Variants in ZSCAN21 observed in about 807,000 individuals in gnomAD.
The protein encoded by ZSCAN21 is zinc finger and SCAN domain containing 21, also known as zinc finger and SCAN domain-containing protein 21.
In ZSCAN21, 26 loss-of-function variants were observed where a neutral mutation model predicts 35.6. The ratio of observed to expected loss-of-function variants is 0.73; its 90% confidence interval spans 0.54 to 1.01. ZSCAN21 has a LOEUF of 1.01. Among genes scored for constraint, ZSCAN21 ranks in the 50% least tolerant of loss-of-function variants. ZSCAN21 has a pLI of 0.00. For missense variants in ZSCAN21, 593 were observed against 587.1 expected (o/e 1.01, Z -0.10); for synonymous variants, 219 against 219.3 (o/e 1.00, Z 0.01).
intron 3 of ZSCAN21, among the ~76,000 whole-genome samples, 162 bp downstream of exon 3, chr7:100,058,052 G>C (rs1792145909): frequency 6.6e-6 from 1 of 152,158 alleles, no homozygotes; most frequent in African/African-American, 2.4e-5. Flanking sequence ...AAGTAAGGCT[G>C]TCTTAACCTG....
chr7:100,064,727 T>C lies in ZSCAN21; in HGVS notation c.*110T>C, dbSNP rs1304224412. On this transcript the variant is annotated 3_prime_UTR_variant, in exon 4 of 4. Transcript: ENST00000292450. The stretch of plus-strand genomic sequence containing the variant: ...ATTCCGGTGATAGAGTTTGTATCAC[T>C]CAACATCAGGGGATGCCTGAGGAGT... 6.2e-7 allele frequency: 1 copy of C among 1,612,136 alleles called. No individual in the cohort carries two copies. The highest frequency in any genetic ancestry group is 8.5e-7 in the Non-Finnish European group (1 of 1,178,670).
rs375145287 is a variant in ZSCAN21 at position 100,057,139 on chromosome 7, C to A, written c.133C>A (p.Arg45Ser). The A allele has an allele frequency of 8.8e-5, 142 of 1,613,944 alleles. 2 individuals carry two copies. In the Admixed American group the frequency reaches 2.1e-3, roughly 24 times the overall value. ...GTACCTTCCTAGCCTGGAGATGTTC[C>A]GCCAGCGCTTCAGGCAGTTTGGGTA... Reference protein sequence around the residue: ...GKYLPSLEMFRQRFRQFGYHD... With the variant: ...GKYLPSLEMFSQRFRQFGYHD... The change falls in exon 2 of 4, where the codon CGC becomes AGC. Residue 45 changes from arginine to serine, a missense_variant. Arg to Ser is a moderately radical substitution (Grantham distance 110). Coordinates refer to ENST00000292450, the MANE Select transcript of ZSCAN21 (RefSeq NM_145914.3).
At chr7:100,053,552 T>TG (rs1299384993) in intron 1 of ZSCAN21, among the ~76,000 whole-genome samples, 8 of 148,156 alleles carry the variant, frequency 5.4e-5, no homozygotes, top group African/African-American at 1.0e-4. Flanking sequence ...CATAATTTTT[T>TG]TTTTTTTTTT....
rs534007383 is a variant in ZSCAN21, at chr7:100,061,952, T to C, written c.593-1836T>C. ...GGTGTGACTGCCTGGTGAGGCGTTC[T>C]AAAAAGATAAACTGGTTCCATCTGA... is the stretch of plus-strand genomic sequence containing the variant. On this transcript the variant is annotated intron_variant, in intron 3 of 3. Transcript: ENST00000292450. Among the ~76,000 whole-genome samples, 6 of 152,344 alleles carry C rather than the reference T, an allele frequency of 3.9e-5. No homozygotes were observed. In the South Asian group the frequency reaches 1.2e-3, roughly 32 times the overall value.
chr7:100,056,240 C>G (rs1370414883), intron 1 of ZSCAN21, among the ~76,000 whole-genome samples: 1 of 152,038 alleles, frequency 6.6e-6, no homozygotes, highest in Non-Finnish European at 1.5e-5. Context: ...CATGCCTGGC[C>G]TTGACTAGTG....
At chr7:100,049,905 G>A (rs1791796910) in intron 1 of ZSCAN21, 64 bp downstream of exon 1, 2 of 152,576 alleles carry the variant, frequency 1.3e-5, no homozygotes. Flanking sequence ...GAATGGTCTG[G>A]GGAGGGAGGA....
chr7:100,053,546 A>ATACATACATACATACATAATT (rs755978112), intron 1 of ZSCAN21, among the ~76,000 whole-genome samples: 4 of 79,486 alleles, frequency 5.0e-5, no homozygotes, highest in African/African-American at 2.2e-4. Flanking sequence ...TACATACATA[A>ATACATACATACATACATAATT]TTTTTTTTTT....
intron 1 of ZSCAN21, among the ~76,000 whole-genome samples, chr7:100,051,178 C>CAAAAA (rs369246193): frequency 0.038 from 1,578 of 41,336 alleles, 192 homozygotes; most frequent in African/African-American, 0.074. Flanking sequence ...AACTACGTCT[C>CAAAAA]AAAAAAAAAA....
intron 3 of ZSCAN21, among the ~76,000 whole-genome samples, chr7:100,062,536 G>A (rs746550846): frequency 7.3e-5 from 11 of 151,250 alleles, no homozygotes; most frequent in South Asian, 2.1e-4. Flanking sequence ...CAGAGGTTGC[G>A]GTGAGCTGAG....
chr7:100,053,633 C>T (rs565481737), intron 1 of ZSCAN21, among the ~76,000 whole-genome samples: 2 of 150,554 alleles, frequency 1.3e-5, no homozygotes, highest in South Asian at 4.2e-4. Context: ...TCACTACAAC[C>T]TCCACCTCCC....
chr7:100,064,233 CCTT>C lies in ZSCAN21; in HGVS notation c.1042_1044del (p.Leu348del), dbSNP rs750583740. The C allele has an allele frequency of 5.0e-6, 8 of 1,614,000 alleles. No homozygotes were observed. The highest frequency in any genetic ancestry group is 4.0e-5 in the African/African-American group (3 of 74,904). On this transcript the variant is annotated inframe_deletion, in exon 4 of 4. Coordinates refer to ENST00000292450, the MANE Select transcript of ZSCAN21 (RefSeq NM_145914.3). Reference sequence around the variant, plus strand: ...GAAAAGCTTTTGGGCAGAGCTCAGACCTTCTTAAACATCAGAGAATGCACACAG... The same window carrying C: ...GAAAAGCTTTTGGGCAGAGCTCAGACCTTAAACATCAGAGAATGCACACAG...
Position 100,063,810 on chromosome 7 carries a change from C to T in ZSCAN21, c.615C>T (p.His205=), listed in dbSNP as rs79902438. 7.3e-4 allele frequency: 1,179 copies of T among 1,610,698 alleles called. 16 individuals carry two copies. In the East Asian group the frequency reaches 0.024, roughly 33 times the overall value. ...KVRDCRLSTQ[H]EESADEQKGS... ...CAGATTGCAGATTGAGTACCCAGCACGAGGAATCAGCAGATGAGCAGAAAG... is the reference window on the plus strand; with the variant it reads ...CAGATTGCAGATTGAGTACCCAGCATGAGGAATCAGCAGATGAGCAGAAAG... Residue 205 remains histidine, a synonymous_variant, in exon 4 of 4, where the codon CAC becomes CAT. Coordinates refer to ENST00000292450, the MANE Select transcript of ZSCAN21 (RefSeq NM_145914.3).
rs1221421644 is a variant in ZSCAN21 at position 100,056,974 on chromosome 7, C to G, written c.-33C>G. The G allele has an allele frequency of 6.5e-6, 10 of 1,541,196 alleles. No individual in the cohort carries two copies. Among genetic ancestry groups the G allele is most frequent in the Admixed American group, 4.0e-5 (2 of 49,636 alleles). On this transcript the variant is annotated 5_prime_UTR_variant, in exon 2 of 4. Transcript: ENST00000292450. ...AACGAATATTCCTGCCCCACAGAGT[C>G]CCATCTTTGGTGAGGCTGTTTCTGG... is the stretch of plus-strand genomic sequence containing the variant.
chr7:100,059,641 C>A (rs940333336), intron 3 of ZSCAN21, among the ~76,000 whole-genome samples: 1 of 150,342 alleles, frequency 6.7e-6, no homozygotes, highest in African/African-American at 2.4e-5. Context: ...CAACCTCTGC[C>A]TCCCAGGTTC....
At chr7:100,056,828 A>T (rs1792090488) in intron 1 of ZSCAN21, 83 bp from the exon 2 acceptor site, 1 of 611,080 alleles carries the variant, frequency 1.6e-6, no homozygotes, top group Admixed American at 2.8e-5. Context: ...TAATTTCCAC[A>T]ATTTCTTGTG....
intron 1 of ZSCAN21, among the ~76,000 whole-genome samples, chr7:100,052,325 A>G (rs1482782140): frequency 6.6e-6 from 1 of 152,128 alleles, no homozygotes; most frequent in Non-Finnish European, 1.5e-5. Context: ...GAACTTTGAG[A>G]GACCAAGGCA....
chr7:100,059,935 C>T (rs1584377775), intron 3 of ZSCAN21, among the ~76,000 whole-genome samples: 1 of 152,252 alleles, frequency 6.6e-6, no homozygotes, highest in South Asian at 2.1e-4. Context: ...GTCTCGAACT[C>T]CTGACCTCAT....
At chr7:100,056,776 A>G (rs1165620027) in intron 1 of ZSCAN21, 135 bp from the exon 2 acceptor site, 2 of 434,174 alleles carry the variant, frequency 4.6e-6, no homozygotes, top group African/African-American at 2.0e-5. Flanking sequence ...TTCCAGAAAG[A>G]TTTTGAGCAG....
intron 1 of ZSCAN21, among the ~76,000 whole-genome samples, chr7:100,056,050 CCTG>C (rs1792063540): frequency 6.6e-6 from 1 of 152,042 alleles, no homozygotes; most frequent in South Asian, 2.1e-4. Flanking sequence ...ACACCATTCT[CCTG>C]CTCAGCCTCC....
Sources: allele counts gnomAD v4.1 joint callset (sites outside exome capture counted in the v4.1 genomes callset), GRCh38; gene constraint gnomAD v4.1.1; transcripts MANE v1.5; gene names NCBI Gene and HGNC (gene_info 2026-07-23, HGNC 2026-07-21).